The following DMD variants were observed in gnomAD, a reference collection of about 807,000 sequenced individuals.
The protein encoded by DMD is mutant dystrophin.
DMD carries 63 observed loss-of-function variants against 330.1 expected under a neutral mutation model. The ratio of observed to expected loss-of-function variants is 0.19; its 90% CI spans 0.16 to 0.24. The LOEUF (loss-of-function observed/expected upper bound fraction) is 0.24, where lower values mean the gene tolerates loss of function less well. DMD is among the 10% of genes least tolerant of loss of function. The pLI, the probability that DMD is intolerant of heterozygous loss-of-function variation, is 1.00. For missense variants in DMD, 3,344 were observed against 2,684.1 expected (o/e 1.25, Z -5.43); for synonymous variants, 1,223 against 959.8 (o/e 1.27, Z -5.07).
rs57685055 is a variant in DMD at position 31,857,380 on chromosome X, GAAAAAAAAAAAA to G, written c.7098+17796_7098+17807del. Reference sequence around the variant, plus strand: ...GGTGATGGAGCAAGACTCCACCTCGGAAAAAAAAAAAAAAAAAAAAAAAAAAAAAGAGAATAC... The same window carrying G: ...GGTGATGGAGCAAGACTCCACCTCGGAAAAAAAAAAAAAAAAAGAGAATAC... On this transcript the variant is annotated intron_variant, in intron 48 of 78. Transcript: ENST00000357033. Among the ~76,000 whole-genome samples the G allele has an allele frequency of 1.7e-3, 63 of 36,771 alleles. No individual in the cohort carries two copies. The South Asian group carries it at 0.032, about 19-fold the overall frequency. 31.9% of individuals were successfully genotyped at this position (36,771 alleles called of 115,157 possible). A position where few individuals can be genotyped will look rare whatever the true frequency, so the allele number is the denominator to read the frequency against.
At chrX:33,230,980 CA>C (rs1174023266) in intron 1 of DMD, among the ~76,000 whole-genome samples, 1 of 109,855 alleles carries the variant, frequency 9.1e-6, no homozygotes, top group Non-Finnish European at 1.9e-5. Flanking sequence ...AAATAAATAA[CA>C]GTTGGAATCA....
intron 49 of DMD, among the ~76,000 whole-genome samples, chrX:31,821,638 G>A (rs977996068): frequency 4.5e-5 from 5 of 111,957 alleles, no homozygotes; most frequent in Non-Finnish European, 7.5e-5. Flanking sequence ...AACTCCTATT[G>A]TGTTAAGCCA....
chrX:31,250,879 C>A (rs916444466), intron 63 of DMD, among the ~76,000 whole-genome samples: 1 of 110,604 alleles, frequency 9.0e-6, no homozygotes, highest in Non-Finnish European at 1.9e-5. Flanking sequence ...GTCAAGAGAT[C>A]GAGACCATCC....
intron 44 of DMD, among the ~76,000 whole-genome samples, chrX:32,203,055 C>T (rs1397606334): frequency 8.9e-6 from 1 of 111,757 alleles, no homozygotes; most frequent in African/African-American, 3.3e-5. Context: ...TTTTCCTAAC[C>T]TACCTGTCTG....
intron 19 of DMD, among the ~76,000 whole-genome samples, chrX:32,501,291 A>C (rs1004947266): frequency 5.3e-5 from 6 of 112,211 alleles, no homozygotes; most frequent in Non-Finnish European, 9.4e-5. Context: ...AGTGATAAAA[A>C]GTAACACAGA....
intron 42 of DMD, among the ~76,000 whole-genome samples, chrX:32,307,311 C>T (rs1236059721): frequency 9.0e-6 from 1 of 111,390 alleles, no homozygotes; most frequent in African/African-American, 3.3e-5. Context: ...AATCATGCTT[C>T]AGAGTTACCC....
Position 33,012,250 on chromosome X carries a change from G to T in DMD, c.93+7889C>A, listed in dbSNP as rs1465040800. On this transcript the variant is annotated intron_variant, in intron 2 of 78. Transcript: ENST00000357033. ...ACATTCAAGGGAATGGTTCTCAGTAGATTAAACCATTTAGTATAATCATCT... is the reference window on the plus strand; with the variant it reads ...ACATTCAAGGGAATGGTTCTCAGTATATTAAACCATTTAGTATAATCATCT... Among the ~76,000 whole-genome samples, 37 of 111,562 alleles carry T rather than the reference G, an allele frequency of 3.3e-4. No individual in the cohort carries two copies. The Admixed American group carries it at 3.6e-3, about 11-fold the overall frequency.
intron 44 of DMD, among the ~76,000 whole-genome samples, chrX:32,191,252 G>T (rs1037574420): frequency 9.0e-6 from 1 of 111,521 alleles, no homozygotes; most frequent in Admixed American, 9.6e-5. Context: ...TTAAATTTTT[G>T]TGTCCGTAAC....
intron 1 of DMD, among the ~76,000 whole-genome samples, chrX:33,055,453 T>C (rs983186420): frequency 3.6e-5 from 4 of 111,878 alleles, no homozygotes; most frequent in Non-Finnish European, 7.5e-5. Context: ...TAGCAGAATG[T>C]CCTATTTGTT....
chrX:33,131,192 C>CTGT (rs2095497232), intron 1 of DMD, among the ~76,000 whole-genome samples: 2 of 109,859 alleles, frequency 1.8e-5, no homozygotes, highest in Non-Finnish European at 3.8e-5. Flanking sequence ...GGGGCTGCTG[C>CTGT]GGCTGCTGCT....
chrX:32,840,948 C>A (rs1319802963), intron 4 of DMD, among the ~76,000 whole-genome samples: 2 of 111,683 alleles, frequency 1.8e-5, no homozygotes, highest in Non-Finnish European at 3.8e-5. Context: ...AAGAAATGTG[C>A]ATTTTCACAT....
Position 33,025,560 on chromosome X carries a change from A to G in DMD, c.32-5360T>C, listed in dbSNP as rs188122474. ...TTAACCATAATCTGTACAAGAAAAT[A>G]AAATTTTTTTGACACAAGGTCTCGC... On this transcript the variant is annotated intron_variant, in intron 1 of 78. Transcript: ENST00000357033. 4.6e-3 allele frequency among the ~76,000 whole-genome samples: 511 copies of G among 111,668 alleles called. 1 individual carries two copies. The highest frequency in any genetic ancestry group is 0.015 in the African/African-American group (470 of 30,768).
At chrX:32,492,231 G>C (rs924762970) in intron 19 of DMD, among the ~76,000 whole-genome samples, 15 of 111,497 alleles carry the variant, frequency 1.3e-4, no homozygotes, top group African/African-American at 3.6e-4. Flanking sequence ...CCAGCTACTC[G>C]GGAGGCTGAG....
chrX:32,770,149 T>C (rs2073447713), intron 7 of DMD, among the ~76,000 whole-genome samples: 1 of 111,892 alleles, frequency 8.9e-6, no homozygotes, highest in African/African-American at 3.2e-5. Context: ...AAGCCGGATT[T>C]TGTTTAGAAA....
intron 25 of DMD, among the ~76,000 whole-genome samples, chrX:32,462,357 C>A: frequency 8.9e-6 from 1 of 111,783 alleles, no homozygotes; most frequent in South Asian, 3.7e-4. Flanking sequence ...TCCAATTGAC[C>A]ACAAGCATTT....
intron 9 of DMD, among the ~76,000 whole-genome samples, chrX:32,693,146 G>T (rs2063403158): frequency 9.0e-6 from 1 of 111,359 alleles, no homozygotes; most frequent in Admixed American, 9.6e-5. Flanking sequence ...GTTGAAAGGG[G>T]GCAATGAGCC....
At chrX:31,242,700 A>ATGTGTGTGTGTGTGTG (rs3138883) in intron 63 of DMD, among the ~76,000 whole-genome samples, 7 of 95,102 alleles carry the variant, frequency 7.4e-5, no homozygotes, top group East Asian at 3.4e-4. Context: ...ACAATAAGAT[A>ATGTGTGTGTGTGTGTG]TGTGTGTGTG....
At chrX:32,265,611 G>A (rs1375577544) in intron 43 of DMD, among the ~76,000 whole-genome samples, 2 of 112,384 alleles carry the variant, frequency 1.8e-5, no homozygotes, top group Non-Finnish European at 3.8e-5. Flanking sequence ...GAAGGGGGCT[G>A]TACCCTGCAA....
chrX:32,964,566 G>C (rs901610675), intron 2 of DMD, among the ~76,000 whole-genome samples: 1 of 109,981 alleles, frequency 9.1e-6, no homozygotes, highest in Admixed American at 9.7e-5. Flanking sequence ...AAATTAGCCG[G>C]GCGTGGTGGC....
Sources: allele counts gnomAD v4.1 joint callset (sites outside exome capture counted in the v4.1 genomes callset), GRCh38; gene constraint gnomAD v4.1.1; transcripts MANE v1.5; gene names NCBI Gene and HGNC (gene_info 2026-07-23, HGNC 2026-07-21).